The following CAMK2D variants were observed in gnomAD, a reference collection of about 807,000 sequenced individuals.
CAMK2D encodes calcium/calmodulin-dependent protein kinase type II subunit delta.
Under a neutral mutation model 84.0 loss-of-function variants are expected in CAMK2D, and 37 were observed. The ratio of observed to expected loss-of-function variants is 0.44; its 90% CI spans 0.34 to 0.58. CAMK2D has a LOEUF of 0.58. Among genes scored for constraint, CAMK2D ranks in the 20% least tolerant of loss-of-function variants. The pLI, the probability that CAMK2D is intolerant of heterozygous loss-of-function variation, is 0.02. For missense variants in CAMK2D, 448 were observed against 652.5 expected, an observed-to-expected ratio of 0.69 and a Z score of 3.41; for synonymous variants, 202 against 212.5, an observed-to-expected ratio of 0.95 and a Z score of 0.43.
chr4:113,616,694 C>T (rs573492025), intron 3 of CAMK2D, among the ~76,000 whole-genome samples: 16 of 152,154 alleles, frequency 1.1e-4, no homozygotes, highest in African/African-American at 2.4e-4. Flanking sequence ...GAAAGAAAAA[C>T]GTCATCAATG....
intron 4 of CAMK2D, among the ~76,000 whole-genome samples, chr4:113,575,208 C>A (rs1008419022): frequency 6.7e-6 from 1 of 149,852 alleles, no homozygotes; most frequent in Non-Finnish European, 1.5e-5. Context: ...AGATTACCAT[C>A]CACTCCATGG....
intron 16 of CAMK2D, among the ~76,000 whole-genome samples, chr4:113,481,378 A>G (rs1177205618): frequency 6.6e-6 from 1 of 152,246 alleles, no homozygotes; most frequent in Non-Finnish European, 1.5e-5. Flanking sequence ...TAGGGGGAAG[A>G]GGAACAGGAA....
Position 113,566,075 on chromosome 4 carries a change from A to T in CAMK2D, c.276-13979T>A, listed in dbSNP as rs556286910. ...TTCAATATTATCTTCAGTTGCCACT[A>T]AGAATAGGAGAGTTTCATGCTAAAG... On this transcript the variant is annotated intron_variant, in intron 4 of 20. Transcript: ENST00000511664. Among the ~76,000 whole-genome samples the T allele has an allele frequency of 2.6e-5, 4 of 152,226 alleles. No homozygotes were observed. The South Asian group carries it at 6.3e-4, about 24-fold the overall frequency.
chr4:113,622,574 G>A (rs796966622), intron 3 of CAMK2D, among the ~76,000 whole-genome samples: 8 of 152,214 alleles, frequency 5.3e-5, no homozygotes, highest in South Asian at 4.1e-4. Flanking sequence ...AGACCAGCCC[G>A]GGCCACAAAG....
chr4:113,687,767 AT>A (rs1326992591), intron 2 of CAMK2D, among the ~76,000 whole-genome samples: 1 of 152,176 alleles, frequency 6.6e-6, no homozygotes, highest in Non-Finnish European at 1.5e-5. Context: ...CCAAATACAA[AT>A]GGACTGTTTT....
intron 2 of CAMK2D, among the ~76,000 whole-genome samples, chr4:113,732,774 T>C (rs2099572227): frequency 6.6e-6 from 1 of 152,170 alleles, no homozygotes; most frequent in African/African-American, 2.4e-5. Flanking sequence ...ATAGCTCCTC[T>C]GACTCCCTGA....
chr4:113,552,890 C>A (rs1325294518), intron 4 of CAMK2D, among the ~76,000 whole-genome samples: 1 of 152,046 alleles, frequency 6.6e-6, no homozygotes, highest in Non-Finnish European at 1.5e-5. Flanking sequence ...TGCTCACAGA[C>A]CCAAATCATT....
intron 7 of CAMK2D, among the ~76,000 whole-genome samples, chr4:113,532,819 A>C (rs1156640603): frequency 6.6e-6 from 1 of 152,102 alleles, no homozygotes; most frequent in African/African-American, 2.4e-5. Flanking sequence ...TGGCCTTCTC[A>C]GTGTCACCCT....
At chr4:113,494,373 C>T (rs2097893930) in intron 16 of CAMK2D, among the ~76,000 whole-genome samples, 1 of 152,316 alleles carries the variant, frequency 6.6e-6, no homozygotes. Flanking sequence ...GGACCCTCAG[C>T]TGCAGGTCTG....
At chr4:113,757,234 G>T (rs1473197103) in intron 2 of CAMK2D, among the ~76,000 whole-genome samples, 2 of 152,100 alleles carry the variant, frequency 1.3e-5, no homozygotes, top group African/African-American at 2.4e-5. Flanking sequence ...AATCTAATTT[G>T]ATCATTATGA....
intron 3 of CAMK2D, among the ~76,000 whole-genome samples, chr4:113,639,035 G>T (rs377243937): frequency 6.7e-6 from 1 of 149,912 alleles, no homozygotes; most frequent in African/African-American, 2.5e-5. Flanking sequence ...CTGAGGCCTG[G>T]AATTCGAGAC....
chr4:113,519,740 G>A (rs897363742), intron 8 of CAMK2D, among the ~76,000 whole-genome samples: 1 of 152,142 alleles, frequency 6.6e-6, no homozygotes, highest in Non-Finnish European at 1.5e-5. Context: ...AAATTTTATT[G>A]TAGATAACAT....
intron 3 of CAMK2D, among the ~76,000 whole-genome samples, chr4:113,631,090 C>G (rs1382774297): frequency 6.6e-6 from 1 of 152,170 alleles, no homozygotes; most frequent in Non-Finnish European, 1.5e-5. Flanking sequence ...CAGGGGCTAT[C>G]TATTCATTTA....
intron 16 of CAMK2D, 45 bp downstream of exon 16, chr4:113,500,418 T>C (rs201656609): frequency 7.5e-6 from 9 of 1,202,078 alleles, no homozygotes; most frequent in Admixed American, 3.8e-5. Context: ...CATATATATA[T>C]GTGAAGCTCT....
At chr4:113,751,989 T>C (rs997251242) in intron 2 of CAMK2D, among the ~76,000 whole-genome samples, 1 of 151,908 alleles carries the variant, frequency 6.6e-6, no homozygotes, top group Non-Finnish European at 1.5e-5. Context: ...AATGGCTACA[T>C]ATATTTATTC....
At chr4:113,605,400 ATC>A (rs1342014887) in intron 4 of CAMK2D, among the ~76,000 whole-genome samples, 1 of 152,186 alleles carries the variant, frequency 6.6e-6, no homozygotes, top group Non-Finnish European at 1.5e-5. Flanking sequence ...TCTCTTGTTA[ATC>A]TCTCTCTTGT....
chr4:113,488,002 T>G (rs188318892), intron 16 of CAMK2D, among the ~76,000 whole-genome samples: 118 of 152,158 alleles, frequency 7.8e-4, no homozygotes, highest in Non-Finnish European at 1.6e-4. Flanking sequence ...TTATGTAACT[T>G]GCTCAAATAT....
chr4:113,727,170 A>G (rs1165820424), intron 2 of CAMK2D, among the ~76,000 whole-genome samples: 1 of 152,226 alleles, frequency 6.6e-6, no homozygotes, highest in Non-Finnish European at 1.5e-5. Context: ...AAATTAATGT[A>G]GAGATTCAAT....
At chr4:113,466,952 C>T (rs980421938) in intron 16 of CAMK2D, among the ~76,000 whole-genome samples, 7 of 152,166 alleles carry the variant, frequency 4.6e-5, no homozygotes, top group African/African-American at 1.7e-4. Context: ...GGGCAAAGAA[C>T]ATTTTATTTT....
Sources: gnomAD v4.1 joint callset for allele counts (sites outside exome capture counted in the v4.1 genomes callset) on GRCh38, gnomAD v4.1.1 for gene constraint, MANE v1.5 for transcripts, NCBI Gene and HGNC (gene_info 2026-07-23, HGNC 2026-07-21) for gene names.